SNTG2: variants seen among roughly 807,000 people sequenced by gnomAD.
The protein encoded by SNTG2 is gamma-2-syntrophin.
SNTG2 carries 74 observed loss-of-function variants against 70.9 expected under a neutral mutation model. The observed-to-expected ratio is 1.04, with a 90% CI of 0.86 to 1.27. SNTG2 has a LOEUF of 1.27. SNTG2 is among the 50% of genes most tolerant of loss of function. SNTG2 has a pLI of 0.00. For synonymous variants in SNTG2, 278 were observed against 273.8 expected (o/e 1.02, Z -0.15); for missense variants, 717 against 690.7 (o/e 1.04, Z -0.43).
chr2:1,024,917 G>A (rs1410189034), intron 1 of SNTG2, among the ~76,000 whole-genome samples: 1 of 152,162 alleles, frequency 6.6e-6, no homozygotes, highest in Non-Finnish European at 1.5e-5. Flanking sequence ...TTACTTGTTA[G>A]TGCACTCTAT....
At chr2:1,249,654 C>T (rs1467746702) in intron 12 of SNTG2, among the ~76,000 whole-genome samples, 2 of 152,220 alleles carry the variant, frequency 1.3e-5, no homozygotes, top group Non-Finnish European at 2.9e-5. Context: ...AAGCAACTTT[C>T]CTTCAGTATT....
At chr2:1,298,061 G>A (rs1680298864) in intron 14 of SNTG2, among the ~76,000 whole-genome samples, 1 of 152,128 alleles carries the variant, frequency 6.6e-6, no homozygotes, top group East Asian at 1.9e-4. Flanking sequence ...TCCAGAGTAG[G>A]GGCAGGTGGG....
intron 9 of SNTG2, among the ~76,000 whole-genome samples, chr2:1,236,393 G>A (rs1029635525): frequency 2.6e-5 from 4 of 152,252 alleles, no homozygotes; most frequent in Non-Finnish European, 5.9e-5. Flanking sequence ...GGAGGACCAG[G>A]AAAGGTGATC....
chr2:985,247 C>T (rs756855946), intron 1 of SNTG2, among the ~76,000 whole-genome samples: 5 of 151,918 alleles, frequency 3.3e-5, no homozygotes, highest in African/African-American at 9.7e-5. Flanking sequence ...AGAAAAGCGA[C>T]GGAAATGCAT....
intron 1 of SNTG2, among the ~76,000 whole-genome samples, chr2:980,467 A>AACAAT (rs1661059632): frequency 6.6e-6 from 1 of 152,228 alleles, no homozygotes; most frequent in Non-Finnish European, 1.5e-5. Context: ...GAATACAGAA[A>AACAAT]ACAATACATT....
At chr2:1,143,244 T>C (rs768866016) in intron 6 of SNTG2, among the ~76,000 whole-genome samples, 6 of 152,152 alleles carry the variant, frequency 3.9e-5, no homozygotes, top group Non-Finnish European at 5.9e-5. Flanking sequence ...AAATCAGATA[T>C]GGGCTTGAGT....
intron 1 of SNTG2, among the ~76,000 whole-genome samples, chr2:1,024,351 AAT>A (rs1321219853): frequency 2.6e-5 from 4 of 152,198 alleles, no homozygotes; most frequent in African/African-American, 9.7e-5. Flanking sequence ...TTATACTTTA[AAT>A]ATATTCTGAT....
intron 8 of SNTG2, among the ~76,000 whole-genome samples, chr2:1,176,163 T>C (rs1016907242): frequency 6.6e-6 from 1 of 152,222 alleles, no homozygotes; most frequent in African/African-American, 2.4e-5. Context: ...GTTATTCATA[T>C]GGTTAGCTCA....
intron 8 of SNTG2, among the ~76,000 whole-genome samples, chr2:1,203,662 AC>A (rs71417921): frequency 0.015 from 1,218 of 80,270 alleles, 5 homozygotes; most frequent in South Asian, 0.019. Context: ...TCAAAAACAA[AC>A]AAAAAAAAAA....
chr2:996,367 A>G (rs1362400436), intron 1 of SNTG2, among the ~76,000 whole-genome samples: 5 of 152,116 alleles, frequency 3.3e-5, no homozygotes, highest in Admixed American at 3.3e-4. Context: ...AATTCAACAG[A>G]ATTCCTAGGA....
chr2:1,112,120 T>C (rs564024822), intron 4 of SNTG2, among the ~76,000 whole-genome samples: 1 of 151,634 alleles, frequency 6.6e-6, no homozygotes, highest in African/African-American at 2.4e-5. Flanking sequence ...TTGAGGATAA[T>C]CATGTATACT....
rs1293478734 is a variant in SNTG2 at position 1,274,648 on chromosome 2, G to T, written c.1284+7077G>T. Among the ~76,000 whole-genome samples the T allele has an allele frequency of 1.3e-5, 2 of 151,950 alleles. 1 individual carries two copies. Among genetic ancestry groups the T allele is most frequent in the African/African-American group, 4.8e-5 (2 of 41,376 alleles). On this transcript the variant is annotated intron_variant, in intron 14 of 16. Coordinates refer to ENST00000308624, the MANE Select transcript of SNTG2 (RefSeq NM_018968.4). ...TTCTGCCCTCGATCAGGATGATTCT[G>T]CCCTGGATTTTGTTCTAAGAACTCA...
At chr2:1,272,663 TCCCAGGGAGCGGGTGTAGAAAGGACAC>T (rs1558621227) in intron 14 of SNTG2, among the ~76,000 whole-genome samples, 34 of 90,750 alleles carry the variant, frequency 3.7e-4, no homozygotes, top group African/African-American at 1.4e-3. Context: ...AGAAAGGACA[TCCCAGGGAGCGGGTGTAGAAAGGACAC>T]CCCAGGGAGC....
At chr2:1,178,167 C>A (rs1038621460) in intron 8 of SNTG2, among the ~76,000 whole-genome samples, 2 of 152,164 alleles carry the variant, frequency 1.3e-5, no homozygotes, top group African/African-American at 4.8e-5. Context: ...AGTGAGTTGA[C>A]CATTGGGCTC....
At chr2:1,121,648 C>T (rs1667385629) in intron 4 of SNTG2, among the ~76,000 whole-genome samples, 1 of 152,088 alleles carries the variant, frequency 6.6e-6, no homozygotes, top group Non-Finnish European at 1.5e-5. Flanking sequence ...AAGGCACCTT[C>T]TTCATAAGGT....
Position 1,145,157 on chromosome 2 carries a change from C to T in SNTG2, c.411+7348C>T, listed in dbSNP as rs183405822. Reference sequence around the variant, plus strand: ...TTTTTTCAACAGCAGGAGTTTATTTCCCCAAAGCTCTAAGCTTTCCCCTTA... The same window carrying T: ...TTTTTTCAACAGCAGGAGTTTATTTTCCCAAAGCTCTAAGCTTTCCCCTTA... On this transcript the variant is annotated intron_variant, in intron 6 of 16. Transcript: ENST00000308624. 2.1e-3 allele frequency among the ~76,000 whole-genome samples: 322 copies of T among 151,752 alleles called. 1 individual carries two copies. The highest frequency in any genetic ancestry group is 7.7e-3 in the African/African-American group (317 of 41,362).
chr2:959,020 A>C (rs1209787653), intron 1 of SNTG2, among the ~76,000 whole-genome samples: 1 of 152,240 alleles, frequency 6.6e-6, no homozygotes, highest in Non-Finnish European at 1.5e-5. Context: ...TATAAAATAC[A>C]TTTGTTCTTT....
chr2:1,231,723 TACCAGCA>T (rs1424970756), intron 9 of SNTG2, among the ~76,000 whole-genome samples: 1 of 152,062 alleles, frequency 6.6e-6, no homozygotes, highest in African/African-American at 2.4e-5. Flanking sequence ...GAGTCAGTCC[TACCAGCA>T]GGCAGCAGGC....
rs1664481196 is a variant in SNTG2, at chr2:1,083,535, T to C, written c.90T>C (p.Ala30=). The stretch of plus-strand genomic sequence containing the variant: ...CCCTACAGACGAAAACCACTATTGC[T>C]CTGTTGTATGATGAAGAGTCCGAAA... ...LVPARTKTTI[A]LLYDEESENA... Residue 30 remains alanine, a synonymous_variant, in exon 2 of 17, where the codon GCT becomes GCC. Transcript: ENST00000308624. The C allele has an allele frequency of 6.2e-7, 1 of 1,613,504 alleles. No individual in the cohort carries two copies. Among genetic ancestry groups the C allele is most frequent in the African/African-American group, 1.3e-5 (1 of 74,866 alleles).
Sources: gnomAD v4.1 joint callset for allele counts (sites outside exome capture counted in the v4.1 genomes callset) on GRCh38, gnomAD v4.1.1 for gene constraint, MANE v1.5 for transcripts, NCBI Gene and HGNC (gene_info 2026-07-23, HGNC 2026-07-21) for gene names.